Variants in LCLAT1 observed in about 807,000 individuals in gnomAD.
LCLAT1 encodes 1-AGP acyltransferase 8.
A neutral mutation model predicts 30.7 loss-of-function variants in LCLAT1; 11 were observed. The ratio of observed to expected loss-of-function variants is 0.36; its 90% CI spans 0.23 to 0.59. The LOEUF (loss-of-function observed/expected upper bound fraction) is 0.59, where lower values mean the gene tolerates loss of function less well. Among genes scored for constraint, LCLAT1 ranks in the 20% least tolerant of loss-of-function variants. The probability of loss-of-function intolerance (pLI) is 0.77; values close to 1 mark genes in which losing one functional copy is unlikely to be tolerated. For missense variants in LCLAT1, 402 were observed against 458.6 expected, an observed-to-expected ratio of 0.88 and a Z score of 1.13; for synonymous variants, 155 against 151.3, an observed-to-expected ratio of 1.02 and a Z score of -0.18.
chr2:30,600,862 A>ATATC (rs1329274417), intron 5 of LCLAT1, among the ~76,000 whole-genome samples: 7 of 152,246 alleles, frequency 4.6e-5, no homozygotes, highest in African/African-American at 1.7e-4. Context: ...CTCCTGGATT[A>ATATC]TATCTTGAAA....
Position 30,537,521 on chromosome 2 carries a change from T to TACACAC in LCLAT1, c.364+4226_364+4231dup, listed in dbSNP as rs58394759. Among the ~76,000 whole-genome samples the TACACAC allele has an allele frequency of 3.7e-3, 557 of 149,192 alleles. 4 individuals are homozygous for TACACAC. Among genetic ancestry groups the TACACAC allele is most frequent in the East Asian group, 0.017 (87 of 5,060 alleles). On this transcript the variant is annotated intron_variant, in intron 3 of 5. Coordinates refer to ENST00000379509, the MANE Select transcript of LCLAT1 (RefSeq NM_001002257.3). The stretch of plus-strand genomic sequence containing the variant: ...AGCGAGAGGATATAACAATTGTAAA[T>TACACAC]ACACACACACACACACACACACACG...
chr2:30,547,150 GA>G (rs1664461882), intron 3 of LCLAT1, among the ~76,000 whole-genome samples: 1 of 152,114 alleles, frequency 6.6e-6, no homozygotes, highest in Admixed American at 6.5e-5. Context: ...TTCCTGGAAT[GA>G]ATCTCTGCAG....
At chr2:30,502,027 A>AT (rs1372196386) in intron 1 of LCLAT1, among the ~76,000 whole-genome samples, 2 of 152,180 alleles carry the variant, frequency 1.3e-5, no homozygotes, top group East Asian at 3.9e-4. Flanking sequence ...TTGCTGGGAT[A>AT]TTTTTTGTTA....
At chr2:30,618,752 T>C (rs896891445) in intron 5 of LCLAT1, among the ~76,000 whole-genome samples, 4 of 152,210 alleles carry the variant, frequency 2.6e-5, no homozygotes, top group East Asian at 1.9e-4. Flanking sequence ...TCATTACTAG[T>C]ATCCAGAAAT....
At chr2:30,594,565 G>T (rs1666846162) in intron 5 of LCLAT1, among the ~76,000 whole-genome samples, 1 of 152,140 alleles carries the variant, frequency 6.6e-6, no homozygotes, top group Non-Finnish European at 1.5e-5. Flanking sequence ...TTAATTGTGT[G>T]TATGTGCATG....
chr2:30,469,622 A>C (rs1201761777), intron 1 of LCLAT1, among the ~76,000 whole-genome samples: 1 of 122,930 alleles, frequency 8.1e-6, no homozygotes, highest in Admixed American at 1.0e-4. Flanking sequence ...TCTGTCACCC[A>C]GGGTGGAGTG....
intron 1 of LCLAT1, chr2:30,447,602 G>C (rs1681319898): frequency 6.6e-6 from 1 of 152,324 alleles, no homozygotes; most frequent in Non-Finnish European, 1.5e-5. Context: ...AGGAGGCGCG[G>C]GGAAGCGACT....
chr2:30,492,259 T>C (rs1683873155), intron 1 of LCLAT1, among the ~76,000 whole-genome samples: 1 of 152,218 alleles, frequency 6.6e-6, no homozygotes, highest in African/African-American at 2.4e-5. Flanking sequence ...AGTCTTATAC[T>C]TCTAGGGAAG....
At chr2:30,504,897 A>G (rs1163392571) in intron 1 of LCLAT1, among the ~76,000 whole-genome samples, 4 of 152,314 alleles carry the variant, frequency 2.6e-5, no homozygotes, top group African/African-American at 7.2e-5. Flanking sequence ...AATTATTTAT[A>G]TAAACCATAT....
chr2:30,526,306 C>T (rs1240349935), intron 2 of LCLAT1, among the ~76,000 whole-genome samples: 1 of 151,744 alleles, frequency 6.6e-6, no homozygotes, highest in Non-Finnish European at 1.5e-5. Context: ...TTCCTTTTTT[C>T]TTCCCCTGTA....
Position 30,531,855 on chromosome 2 carries a change from C to T in LCLAT1, c.166-1261C>T, listed in dbSNP as rs555771205. On this transcript the variant is annotated intron_variant, in intron 2 of 5. Coordinates refer to ENST00000379509, the MANE Select transcript of LCLAT1 (RefSeq NM_001002257.3). ...CCTTTTTGTTGTGAAGTATAGCAAA[C>T]ATACCGAAAAGTTATTAAAACACAA... 3.3e-5 allele frequency among the ~76,000 whole-genome samples: 5 copies of T among 152,184 alleles called. No individual in the cohort carries two copies. In the Middle Eastern group the frequency reaches 0.017, roughly 518 times the overall value.
intron 1 of LCLAT1, among the ~76,000 whole-genome samples, chr2:30,512,584 C>G (rs1268519728): frequency 1.3e-5 from 2 of 152,200 alleles, no homozygotes; most frequent in Non-Finnish European, 2.9e-5. Context: ...CTGTTGAAAT[C>G]AGACCTATTA....
intron 1 of LCLAT1, among the ~76,000 whole-genome samples, chr2:30,488,609 T>C (rs1683675715): frequency 2.0e-5 from 3 of 152,248 alleles, no homozygotes; most frequent in Non-Finnish European, 2.9e-5. Flanking sequence ...CTCTTAGATA[T>C]TCTCTTTCGT....
At chr2:30,615,261 G>T (rs1423006222) in intron 5 of LCLAT1, among the ~76,000 whole-genome samples, 1 of 152,034 alleles carries the variant, frequency 6.6e-6, no homozygotes, top group Non-Finnish European at 1.5e-5. Flanking sequence ...GGAGGGATTG[G>T]CCCTAAATAC....
intron 1 of LCLAT1, among the ~76,000 whole-genome samples, chr2:30,449,805 T>C (rs1681459324): frequency 6.6e-6 from 1 of 152,204 alleles, no homozygotes; most frequent in Admixed American, 6.5e-5. Context: ...TGGCTAGTTA[T>C]GACTAATTTC....
intron 5 of LCLAT1, among the ~76,000 whole-genome samples, chr2:30,598,998 G>GAGAT (rs139302197): frequency 0.25 from 36,870 of 146,430 alleles, 4,978 homozygotes; most frequent in Non-Finnish European, 0.31. Context: ...TTTTTTGTTT[G>GAGAT]AGATAGATAG....
intron 5 of LCLAT1, among the ~76,000 whole-genome samples, chr2:30,574,672 G>A (rs538108743): frequency 6.7e-6 from 1 of 149,942 alleles, no homozygotes; most frequent in Admixed American, 6.8e-5. Context: ...TCCTTCAGAC[G>A]ATTCTCCATA....
chr2:30,628,745 A>T (rs1037019510), intron 5 of LCLAT1, among the ~76,000 whole-genome samples: 8 of 152,180 alleles, frequency 5.3e-5, no homozygotes, highest in Non-Finnish European at 1.2e-4. Context: ...TGCTTGAAAA[A>T]CTGATATCCA....
At chr2:30,627,665 T>C (rs1365144017) in intron 5 of LCLAT1, among the ~76,000 whole-genome samples, 2 of 152,170 alleles carry the variant, frequency 1.3e-5, no homozygotes, top group Non-Finnish European at 2.9e-5. Flanking sequence ...AATTTTATTA[T>C]TTTTCAATTT....
Sources: allele counts gnomAD v4.1 joint callset (sites outside exome capture counted in the v4.1 genomes callset), GRCh38; gene constraint gnomAD v4.1.1; transcripts MANE v1.5; gene names NCBI Gene and HGNC (gene_info 2026-07-23, HGNC 2026-07-21).